ZNF267: variants seen among roughly 807,000 people sequenced by gnomAD.
The protein encoded by ZNF267 is zinc finger (C2H2).
In ZNF267, 61 loss-of-function variants were observed where a neutral mutation model predicts 71.6. That is an observed-to-expected ratio of 0.85 (90% CI 0.69 to 1.05). The LOEUF (loss-of-function observed/expected upper bound fraction) is 1.05. Ranked by LOEUF, ZNF267 falls within the 50% of genes least tolerant of loss-of-function variation. The pLI is 0.00. For synonymous variants in ZNF267, 288 were observed against 293.2 expected (o/e 0.98, Z 0.18); for missense variants, 852 against 870.0 (o/e 0.98, Z 0.26).
intron 3 of ZNF267, among the ~76,000 whole-genome samples, chr16:31,897,984 C>A (rs1212190745): frequency 6.6e-6 from 1 of 152,098 alleles, no homozygotes; most frequent in African/African-American, 2.4e-5. Flanking sequence ...GTCTAATTGT[C>A]TTTAGTGTTC....
At chr16:31,874,001 G>A (rs762083382) in intron 1 of ZNF267, 32 bp downstream of exon 1, 1 of 1,604,730 alleles carries the variant, frequency 6.2e-7, no homozygotes, top group South Asian at 1.1e-5. Flanking sequence ...TCCCCAGAGG[G>A]AGGGAGGGCG....
At chr16:31,911,338 C>T (rs2084133755) in intron 3 of ZNF267, among the ~76,000 whole-genome samples, 1 of 151,562 alleles carries the variant, frequency 6.6e-6, no homozygotes, top group African/African-American at 2.4e-5. Context: ...CTCTATGTCT[C>T]AGTGCTTTAG....
chr16:31,881,047 C>T (rs878904184), intron 1 of ZNF267, among the ~76,000 whole-genome samples: 7 of 152,054 alleles, frequency 4.6e-5, no homozygotes, highest in Admixed American at 1.3e-4. Context: ...AAGGGCCACC[C>T]GTGGACAAAA....
At chr16:31,888,066 C>T (rs1043517538) in intron 3 of ZNF267, among the ~76,000 whole-genome samples, 6 of 151,836 alleles carry the variant, frequency 4.0e-5, no homozygotes, top group Middle Eastern at 6.3e-3. Context: ...ATAGATTTTA[C>T]TGGACAGATC....
In ZNF267 at chr16:31,915,439, T is replaced by G; in HGVS notation, c.1190T>G (p.Val397Gly). 1 of 1,613,870 alleles carries G rather than the reference T, an allele frequency of 6.2e-7. No individual in the cohort carries two copies. The highest frequency in any genetic ancestry group is 8.5e-7 in the Non-Finnish European group (1 of 1,179,916). ...KSFTRSSNLI[V>G]HQRIHTGEKP... ...TTTACTCGTTCCTCCAATCTTATTG[T>G]GCATCAGAGAATTCACACTGGAGAG... Residue 397 changes from valine to glycine, a missense_variant, in exon 4 of 4, where the codon GTG becomes GGG. Coordinates refer to ENST00000300870, the MANE Select transcript of ZNF267 (RefSeq NM_003414.6).
chr16:31,882,443 T>C (rs2083897170), intron 1 of ZNF267, among the ~76,000 whole-genome samples: 1 of 152,156 alleles, frequency 6.6e-6, no homozygotes, highest in Admixed American at 6.5e-5. Flanking sequence ...TGATAATGGG[T>C]CTAGGAGGAG....
chr16:31,909,850 A>G (rs1205396838), intron 3 of ZNF267, among the ~76,000 whole-genome samples: 4 of 152,238 alleles, frequency 2.6e-5, no homozygotes, highest in Admixed American at 2.6e-4. Context: ...ATCTTAGAGA[A>G]AAGACTTTCA....
Position 31,873,955 on chromosome 16 carries a change from G to T in ZNF267, c.-12G>T, listed in dbSNP as rs1024774339. 1.1e-5 allele frequency: 18 copies of T among 1,613,434 alleles called. No homozygotes were observed. The highest frequency in any genetic ancestry group is 3.3e-5 in the Admixed American group (2 of 59,970). ...CGTAGCTAAGACGCCAGGGCATCCCGGAAGCTGGGAAATGGTGAGTGTGCG... is the reference window on the plus strand; with the variant it reads ...CGTAGCTAAGACGCCAGGGCATCCCTGAAGCTGGGAAATGGTGAGTGTGCG... On this transcript the variant is annotated 5_prime_UTR_variant, in exon 1 of 4. Coordinates refer to ENST00000300870, the MANE Select transcript of ZNF267 (RefSeq NM_003414.6).
chr16:31,894,852 G>GT (rs2083986280), intron 3 of ZNF267: 3 of 441,016 alleles, frequency 6.8e-6, no homozygotes, highest in Middle Eastern at 3.7e-4. Flanking sequence ...TGGAGGTGGA[G>GT]TGTTGAGCTG....
intron 1 of ZNF267, among the ~76,000 whole-genome samples, chr16:31,878,425 C>T (rs2083867158): frequency 6.6e-6 from 1 of 152,204 alleles, no homozygotes; most frequent in African/African-American, 2.4e-5. Context: ...TGTCCCCGTC[C>T]ATCCCAGGAG....
chr16:31,885,194 T>C lies in ZNF267; in HGVS notation c.164T>C (p.Phe55Ser), dbSNP rs1007134279. 3 of 1,611,126 alleles carry C rather than the reference T, an allele frequency of 1.9e-6. No individual in the cohort carries two copies. The highest frequency in any genetic ancestry group is 2.7e-5 in the African/African-American group (2 of 74,838). ...LVVSKPDLIT[F>S]LEQRKEPWNV... Reference sequence around the variant, plus strand: ...GTCTCTAAGCCGGACCTGATCACCTTTTTGGAACAAAGGAAAGAGCCTTGG... The same window carrying C: ...GTCTCTAAGCCGGACCTGATCACCTCTTTGGAACAAAGGAAAGAGCCTTGG... The change falls in exon 3 of 4, where the codon TTT becomes TCT. Residue 55 changes from phenylalanine to serine, a missense_variant. By Grantham distance (155) the Phe-to-Ser change is radical. Transcript: ENST00000300870.
chr16:31,885,073 C>A, intron 2 of ZNF267, 88 bp from the exon 3 acceptor site: 1 of 1,046,820 alleles, frequency 9.6e-7, no homozygotes, highest in Non-Finnish European at 1.3e-6. Context: ...AGAAATTAAT[C>A]CTGTCCTGTG....
intron 3 of ZNF267, among the ~76,000 whole-genome samples, chr16:31,899,570 A>G (rs535383898): frequency 5.3e-5 from 8 of 152,338 alleles, no homozygotes; most frequent in African/African-American, 1.7e-4. Flanking sequence ...AATGCCCACA[A>G]GAGAAAGCAG....
intron 1 of ZNF267, among the ~76,000 whole-genome samples, chr16:31,876,438 C>T (rs1035157897): frequency 6.6e-6 from 1 of 152,156 alleles, no homozygotes; most frequent in African/African-American, 2.4e-5. Flanking sequence ...AGAGTGGTCT[C>T]AAACTCCTGG....
intron 3 of ZNF267, chr16:31,890,351 A>G (rs939354257): frequency 6.6e-6 from 1 of 152,178 alleles, no homozygotes; most frequent in Non-Finnish European, 1.5e-5. Flanking sequence ...CTTTATCATC[A>G]TGTAGTGAAC....
intron 3 of ZNF267, among the ~76,000 whole-genome samples, chr16:31,906,170 C>T (rs1158205851): frequency 2.6e-5 from 4 of 152,152 alleles, no homozygotes; most frequent in Non-Finnish European, 5.9e-5. Context: ...AGTACCCGGC[C>T]GTGTGAGGTG....
intron 1 of ZNF267, among the ~76,000 whole-genome samples, chr16:31,882,211 T>A (rs2083895443): frequency 6.6e-6 from 1 of 152,234 alleles, no homozygotes; most frequent in South Asian, 2.1e-4. Context: ...CAATAAACAC[T>A]GCTTTAATGC....
At chr16:31,902,086 C>G (rs1264230013) in intron 3 of ZNF267, among the ~76,000 whole-genome samples, 3 of 152,134 alleles carry the variant, frequency 2.0e-5, no homozygotes, top group African/African-American at 7.2e-5. Context: ...TCAGGTTTGT[C>G]AAAGATCGGA....
intron 3 of ZNF267, among the ~76,000 whole-genome samples, chr16:31,887,890 A>T (rs1442280739): frequency 6.6e-6 from 1 of 151,858 alleles, no homozygotes; most frequent in East Asian, 1.9e-4. Context: ...AAGTTTTATA[A>T]TTTTTTCTAT....
Sources: allele counts gnomAD v4.1 joint callset (sites outside exome capture counted in the v4.1 genomes callset), GRCh38; gene constraint gnomAD v4.1.1; transcripts MANE v1.5; gene names NCBI Gene and HGNC (gene_info 2026-07-23, HGNC 2026-07-21).